Variants in PLCD3 observed in about 807,000 individuals in gnomAD.
PLCD3 encodes the protein phospholipase C delta 3.
A neutral mutation model predicts 82.8 loss-of-function variants in PLCD3; 62 were observed. That is an observed-to-expected ratio of 0.75 (90% confidence interval 0.61 to 0.93). The LOEUF (loss-of-function observed/expected upper bound fraction) is 0.93. Ranked by LOEUF, PLCD3 falls within the 40% of genes least tolerant of loss-of-function variation. The pLI, the probability that PLCD3 is intolerant of heterozygous loss-of-function variation, is 0.00. For synonymous variants in PLCD3, 478 were observed against 471.8 expected, an observed-to-expected ratio of 1.01 and a Z score of -0.17; for missense variants, 1,023 against 1,103.4, an observed-to-expected ratio of 0.93 and a Z score of 1.03.
Position 45,113,163 on chromosome 17 carries a change from G to T in PLCD3, c.2090C>A (p.Ala697Glu). Reference protein sequence around the residue: ...LVRIEIHGVPADCARQETDYV... With the variant: ...LVRIEIHGVPEDCARQETDYV... ...GTCAGTCTCCTGCCGGGCACAGTCT[G>T]CGGGCACCCCATGGATCTCAATGCG... The change falls in exon 13 of 15, where the codon GCA becomes GAA. Residue 697 changes from alanine (A) to glutamate (E), a missense_variant. Ala to Glu is a moderately radical substitution (Grantham distance 107). This residue lies in a region of PLCD3 where 553 missense variants were observed against 655.7 expected (regional missense o/e 0.84). Transcript: ENST00000619929. The T allele has an allele frequency of 6.2e-7, 1 of 1,613,180 alleles. No homozygotes were observed. Among genetic ancestry groups the T allele is most frequent in the Non-Finnish European group, 8.5e-7 (1 of 1,179,620 alleles).
Position 45,118,320 on chromosome 17 carries a change from C to A in PLCD3, c.1086G>T (p.Gly362=). Residue 362 remains glycine (G), a synonymous_variant, in exon 6 of 15, where the codon GGG becomes GGT. Coordinates refer to ENST00000619929, the MANE Select transcript of PLCD3 (RefSeq NM_133373.5). The surrounding 1 kb of genome is among the most constrained non-coding windows in gnomAD (Gnocchi z 4.1). ...CATAGGCCTCGGTGCTGCTGGGCCC[C>A]CCGATCTGGGAGTCAGTCAGATAGG... The part of the protein sequence containing the change: ...HNTYLTDSQI[G]GPSSTEAYVR... The A allele has an allele frequency of 1.2e-6, 2 of 1,613,998 alleles. No homozygotes were observed. Among genetic ancestry groups the A allele is most frequent in the Non-Finnish European group, 1.7e-6 (2 of 1,179,882 alleles).
Position 45,112,435 on chromosome 17 carries a change from A to G in PLCD3, c.*181T>C. On this transcript the variant is annotated 3_prime_UTR_variant, in exon 15 of 15. Transcript: ENST00000619929. Reference sequence around the variant, plus strand: ...TCACATGAACACCTTTCTGTTCTTCAGGAGGGGCCCAGGCAGCCCTCAGCA... The same window carrying G: ...TCACATGAACACCTTTCTGTTCTTCGGGAGGGGCCCAGGCAGCCCTCAGCA... 1 of 662,338 alleles carries G rather than the reference A, an allele frequency of 1.5e-6. No individual in the cohort carries two copies. Among genetic ancestry groups the G allele is most frequent in the South Asian group, 1.8e-5 (1 of 55,246 alleles). The allele number at this position is 662,338 out of a possible 1,614,324, so 41.0% of individuals were successfully genotyped here.
chr17:45,127,654 G>A (rs1438651163), intron 1 of PLCD3, among the ~76,000 whole-genome samples: 1 of 152,200 alleles, frequency 6.6e-6, no homozygotes, highest in East Asian at 1.9e-4. Flanking sequence ...CGCCAGGGCA[G>A]CTGGCAGGGA....
Position 45,115,124 on chromosome 17 carries a change from G to A in PLCD3, c.1681C>T (p.Arg561Cys), listed in dbSNP as rs200411281. Residue 561 changes from arginine to cysteine, a missense_variant, in exon 10 of 15, where the codon CGC (arginine) becomes TGC (cysteine). This residue lies in a region of PLCD3 where 553 missense variants were observed against 655.7 expected (regional missense o/e 0.84). Coordinates refer to ENST00000619929, the MANE Select transcript of PLCD3 (RefSeq NM_133373.5). ...TCCCGAATGAGTTTCTTGGCTTTGCGCTCGCTGAGGGAGCTGACCTGGCAG... is the reference window on the plus strand; with the variant it reads ...TCCCGAATGAGTTTCTTGGCTTTGCACTCGCTGAGGGAGCTGACCTGGCAG... ...QPCQVSSLSE[R>C]KAKKLIREAG... The A allele has an allele frequency of 3.3e-4, 531 of 1,601,552 alleles. No individual in the cohort carries two copies. The highest frequency in any genetic ancestry group is 4.4e-4 in the Non-Finnish European group (515 of 1,174,238).
At chr17:45,125,703 G>A (rs2054376509) in intron 1 of PLCD3, among the ~76,000 whole-genome samples, 1 of 152,260 alleles carries the variant, frequency 6.6e-6, no homozygotes. Flanking sequence ...ATGTAAAGGA[G>A]TGAAATCTGA....
At position 45,120,858 on chromosome 17, in the gene PLCD3, G is replaced by A. The variant is rs1452838092; in HGVS notation, c.554+44C>T. On this transcript the variant is annotated intron_variant, in intron 3 of 14. Transcript: ENST00000619929. Reference sequence around the variant, plus strand: ...AAGGATGGGGCTCTCCAAGGTTAGGGCTCTCCAAGGATGGGGCCCTCCCTC... The same window carrying A: ...AAGGATGGGGCTCTCCAAGGTTAGGACTCTCCAAGGATGGGGCCCTCCCTC... 4.3e-6 allele frequency: 6 copies of A among 1,410,288 alleles called. No homozygotes were observed. In the South Asian group the frequency reaches 4.6e-5, roughly 11 times the overall value. 87.4% of individuals were successfully genotyped at this position (1,410,288 alleles called of 1,614,324 possible).
chr17:45,123,966 C>G (rs867356503), intron 1 of PLCD3, among the ~76,000 whole-genome samples: 2 of 147,108 alleles, frequency 1.4e-5, no homozygotes, highest in African/African-American at 5.1e-5. Context: ...ACCCCCCCCC[C>G]AACCAGGTCC....
chr17:45,122,117 C>G (rs1050084843), intron 1 of PLCD3, among the ~76,000 whole-genome samples: 1 of 152,226 alleles, frequency 6.6e-6, no homozygotes, highest in Non-Finnish European at 1.5e-5. Context: ...CTTGCTGTAA[C>G]CCAAGCACCT....
At chr17:45,114,402 CG>C (rs2143549704) in intron 10 of PLCD3, 36 bp from the exon 11 acceptor site, 2 of 1,508,976 alleles carry the variant, frequency 1.3e-6, no homozygotes, top group Non-Finnish European at 8.9e-7. Context: ...TGACAGACTC[CG>C]GGGGTCCCTC....
intron 10 of PLCD3, 25 bp from the exon 11 acceptor site, chr17:45,114,391 G>C: frequency 5.2e-6 from 8 of 1,530,190 alleles, no homozygotes; most frequent in Non-Finnish European, 7.1e-6. Context: ...GGGTGAGACC[G>C]TGACAGACTC....
Position 45,132,231 on chromosome 17 carries a change from C to T in PLCD3, c.163+17G>A, listed in dbSNP as rs61612038. On this transcript the variant is annotated intron_variant, in intron 1 of 14. Transcript: ENST00000619929. This position sits in a 1 kb window ranked among gnomAD's most constrained non-coding sequence, Gnocchi z 4.6. The stretch of plus-strand genomic sequence containing the variant: ...AACGGTCCGCGCCCACCCCACCGCC[C>T]CTTGCCCGTCACTGACCCATCTTCT... 4.5e-4 allele frequency: 565 copies of T among 1,264,864 alleles called. 2 individuals are homozygous for T. The East Asian group carries it at 0.015, about 35-fold the overall frequency. The allele number at this position is 1,264,864 out of a possible 1,614,324, so 78.4% of individuals were successfully genotyped here.
chr17:45,132,221 C>T lies in PLCD3; in HGVS notation c.163+27G>A, dbSNP rs1567887799. ...GGCCTCTGGGAACGGTCCGCGCCCA[C>T]CCCACCGCCCCTTGCCCGTCACTGA... On this transcript the variant is annotated intron_variant, in intron 1 of 14. Coordinates refer to ENST00000619929, the MANE Select transcript of PLCD3 (RefSeq NM_133373.5). This position sits in a 1 kb window ranked among gnomAD's most constrained non-coding sequence, Gnocchi z 4.6. 6.4e-6 allele frequency: 8 copies of T among 1,255,350 alleles called. No homozygotes were observed. Among genetic ancestry groups the T allele is most frequent in the East Asian group, 3.0e-5 (1 of 32,932 alleles). 77.8% of individuals were successfully genotyped at this position (1,255,350 alleles called of 1,614,324 possible). A position where few individuals can be genotyped will look rare whatever the true frequency, so the allele number is the denominator to read the frequency against.
chr17:45,121,190 C>T lies in PLCD3; in HGVS notation c.325+21G>A, dbSNP rs560378628. 6.4e-6 allele frequency: 10 copies of T among 1,553,038 alleles called. No homozygotes were observed. In the Admixed American group the frequency reaches 7.3e-5, roughly 11 times the overall value. On this transcript the variant is annotated intron_variant, in intron 2 of 14. Coordinates refer to ENST00000619929, the MANE Select transcript of PLCD3 (RefSeq NM_133373.5). ...GCCTGTCCCCACCTCCCTGTCCGCCCGGCGCTCCCCGGCCTCTCACAGATG... is the reference window on the plus strand; with the variant it reads ...GCCTGTCCCCACCTCCCTGTCCGCCTGGCGCTCCCCGGCCTCTCACAGATG...
At chr17:45,113,372 CCA>C in intron 12 of PLCD3, 65 bp downstream of exon 12, 1 of 1,555,580 alleles carries the variant, frequency 6.4e-7, no homozygotes, top group Non-Finnish European at 8.7e-7. Flanking sequence ...TTGCCTTCCT[CCA>C]CCTCACAAAG....
rs761205018 is a variant in PLCD3, at chr17:45,121,080, G to C, written c.376C>G (p.Leu126Val). 3 of 1,542,020 alleles carry C rather than the reference G, an allele frequency of 1.9e-6. No homozygotes were observed. The African/African-American group carries it at 4.1e-5, about 21-fold the overall frequency. ...GCGAAGGCACCCCCGAAGCGCCGCA[G>C]GCCCTCGGACTGGTGGCCCTCGCGG... ...AVREGHQSEG[L>V]RRFGGAFAPA... The change falls in exon 3 of 15, where the codon CTG becomes GTG. Residue 126 changes from leucine to valine, a missense_variant. Transcript: ENST00000619929.
chr17:45,116,497 T>A, intron 8 of PLCD3, 135 bp downstream of exon 8: 7 of 983,260 alleles, frequency 7.1e-6, no homozygotes, highest in Non-Finnish European at 1.0e-5. Flanking sequence ...AGACCTCAGA[T>A]GAACAGAGGA....
chr17:45,118,699 G>A lies in PLCD3; in HGVS notation c.913+116C>T, dbSNP rs2054311718. The A allele has an allele frequency of 8.5e-6, 10 of 1,179,918 alleles. No individual in the cohort carries two copies. Among genetic ancestry groups the A allele is most frequent in the Non-Finnish European group, 1.1e-5 (9 of 849,842 alleles). The allele number at this position is 1,179,918 out of a possible 1,614,324, so 73.1% of individuals were successfully genotyped here. A position where few individuals can be genotyped will look rare whatever the true frequency, so the allele number is the denominator to read the frequency against. ...TTTTACACATGTGGAAGCTGAGTCT[G>A]GAGGAGGTGAGGTAACCTGCCCGAG... is the stretch of plus-strand genomic sequence containing the variant. On this transcript the variant is annotated intron_variant, in intron 5 of 14. Transcript: ENST00000619929. The surrounding 1 kb of genome is among the most constrained non-coding windows in gnomAD (Gnocchi z 4.1).
intron 1 of PLCD3, among the ~76,000 whole-genome samples, chr17:45,125,331 G>A (rs2054373284): frequency 6.6e-6 from 1 of 151,634 alleles, no homozygotes. Flanking sequence ...GGGCATGGTG[G>A]CTCACACCTG....
chr17:45,130,181 G>C (rs941622303), intron 1 of PLCD3, among the ~76,000 whole-genome samples: 2 of 152,214 alleles, frequency 1.3e-5, no homozygotes, highest in Non-Finnish European at 2.9e-5. Flanking sequence ...GGTGAGGAAT[G>C]AGGGTGACCT....
Sources: allele counts gnomAD v4.1 joint callset (sites outside exome capture counted in the v4.1 genomes callset), GRCh38; gene constraint gnomAD v4.1.1; regional missense constraint gnomAD v4.1.1; non-coding constraint Gnocchi (gnomAD v3.1); transcripts MANE v1.5; gene names NCBI Gene and HGNC (gene_info 2026-07-23, HGNC 2026-07-21).